PKHD1: variants seen among roughly 807,000 people sequenced by gnomAD.
PKHD1 encodes fibrocystin.
A neutral mutation model predicts 412.0 loss-of-function variants in PKHD1; 291 were observed. That is an observed-to-expected ratio of 0.71 (90% CI 0.64 to 0.78). The LOEUF (loss-of-function observed/expected upper bound fraction) is 0.78, where lower values mean the gene tolerates loss of function less well. PKHD1 is among the 30% of genes least tolerant of loss of function. The pLI is 0.00. For missense variants in PKHD1, 4,825 were observed against 4,950.7 expected (o/e 0.97, Z 0.76); for synonymous variants, 1,777 against 1,821.5 (o/e 0.98, Z 0.62).
In PKHD1 at chr6:52,024,758, G is replaced by A; in HGVS notation, c.5052C>T (p.Asp1684=). 1 of 1,614,202 alleles carries A rather than the reference G, an allele frequency of 6.2e-7. No individual in the cohort carries two copies. Among genetic ancestry groups the A allele is most frequent in the Non-Finnish European group, 8.5e-7 (1 of 1,180,020 alleles). The change falls in exon 32 of 67, where the codon GAC becomes GAT. Residue 1684 remains aspartate (D), a synonymous_variant. Transcript: ENST00000371117. The stretch of plus-strand genomic sequence containing the variant: ...CACAGGGTGACATTCCTATAAAAAT[G>A]TCAATGTTTGCAGCTCCTGAGATCT... ...VAQISGAANI[D]IFIGMSPCVG...
intron 52 of PKHD1, among the ~76,000 whole-genome samples, chr6:51,822,527 A>G (rs1184765876): frequency 6.6e-6 from 1 of 152,102 alleles, no homozygotes; most frequent in Non-Finnish European, 1.5e-5. Flanking sequence ...CCCAATCCTT[A>G]TATCTCTCTG....
intron 30 of PKHD1, 37 bp from the exon 31 acceptor site, chr6:52,027,933 CAG>C (rs781071397): frequency 4.7e-6 from 7 of 1,502,632 alleles, no homozygotes; most frequent in Non-Finnish European, 5.6e-6. Context: ...AAATAACTGA[CAG>C]AGAGAGATAA....
intron 27 of PKHD1, among the ~76,000 whole-genome samples, chr6:52,041,266 C>T (rs1057308830): frequency 3.3e-5 from 5 of 152,194 alleles, no homozygotes; most frequent in East Asian, 1.9e-4. Context: ...TCTTTAAATA[C>T]CCCAGAGCAT....
intron 15 of PKHD1, among the ~76,000 whole-genome samples, chr6:52,059,259 CTTTTT>C (rs55992586): frequency 1.2e-5 from 1 of 83,520 alleles, no homozygotes; most frequent in African/African-American, 5.2e-5. Context: ...TTTTCTTTTT[CTTTTT>C]TTTTTTTTTT....
At position 52,017,759 on chromosome 6, in the gene PKHD1, A is replaced by T. The variant is rs73433743; in HGVS notation, c.5381-130T>A. On this transcript the variant is annotated intron_variant, in intron 33 of 66. Coordinates refer to ENST00000371117, the MANE Select transcript of PKHD1 (RefSeq NM_138694.4). ...ATGAAGTTAGCAGTTTACTTTTTTT[A>T]AAATGTATTGTATATGTGTAATGTA... 2,095 of 724,542 alleles carry T rather than the reference A, an allele frequency of 2.9e-3. 32 individuals are homozygous for T. In the African/African-American group the frequency reaches 0.032, roughly 11 times the overall value. 44.9% of individuals were successfully genotyped at this position (724,542 alleles called of 1,614,324 possible). A position where few individuals can be genotyped will look rare whatever the true frequency, so the allele number is the denominator to read the frequency against.
At chr6:51,854,499 G>A (rs1185856167) in intron 49 of PKHD1, among the ~76,000 whole-genome samples, 1 of 152,198 alleles carries the variant, frequency 6.6e-6, no homozygotes, top group Non-Finnish European at 1.5e-5. Flanking sequence ...CGTCTGGGCT[G>A]CCGGGATTCC....
At chr6:51,990,878 C>T (rs1796968733) in intron 35 of PKHD1, among the ~76,000 whole-genome samples, 1 of 152,142 alleles carries the variant, frequency 6.6e-6, no homozygotes, top group Non-Finnish European at 1.5e-5. Flanking sequence ...GCCACAGGGC[C>T]TAGGGCAAGT....
At chr6:51,944,982 C>T (rs1019883147) in intron 36 of PKHD1, among the ~76,000 whole-genome samples, 1 of 152,190 alleles carries the variant, frequency 6.6e-6, no homozygotes, top group African/African-American at 2.4e-5. Context: ...GGCTCCATGC[C>T]AGAGCAGTAC....
chr6:51,747,557 A>T (rs986877459), intron 58 of PKHD1, among the ~76,000 whole-genome samples: 10 of 152,162 alleles, frequency 6.6e-5, no homozygotes, highest in South Asian at 4.1e-4. Context: ...CAAATTTTTT[A>T]AATTTTATTA....
intron 60 of PKHD1, among the ~76,000 whole-genome samples, chr6:51,710,335 G>T (rs1193171207): frequency 1.3e-5 from 2 of 152,080 alleles, no homozygotes; most frequent in Non-Finnish European, 2.9e-5. Context: ...TTCCTGCAGT[G>T]GATAAGGCTC....
Position 52,072,197 on chromosome 6 carries a change from TA to T in PKHD1, c.528-9del, listed in dbSNP as rs753686281. The stretch of plus-strand genomic sequence containing the variant: ...GCTTCCAAGATCACTGGGCTGGATT[TA>T]AAAAAAAATGAAAACAAAAGACAAG... On this transcript the variant is annotated splice_polypyrimidine_tract_variant and intron_variant, in intron 7 of 66. Transcript: ENST00000371117. 1,495 of 1,544,948 alleles carry T rather than the reference TA, an allele frequency of 9.7e-4. No individual in the cohort carries two copies. Among genetic ancestry groups the T allele is most frequent in the Non-Finnish European group, 1.2e-3 (1,324 of 1,120,382 alleles).
intron 48 of PKHD1, among the ~76,000 whole-genome samples, chr6:51,863,739 A>G (rs1225078189): frequency 6.6e-6 from 1 of 152,140 alleles, no homozygotes; most frequent in Non-Finnish European, 1.5e-5. Flanking sequence ...ATAGCATTTT[A>G]CTCCTGGGTC....
chr6:51,809,100 A>T (rs1214435488), intron 52 of PKHD1, among the ~76,000 whole-genome samples: 2 of 152,168 alleles, frequency 1.3e-5, no homozygotes, highest in Non-Finnish European at 2.9e-5. Flanking sequence ...AAATAAAGCA[A>T]ATGGAAAATT....
rs775144938 is a variant in PKHD1, at chr6:52,054,073, G to T, written c.1929C>A (p.Thr643=). The T allele has an allele frequency of 4.6e-5, 74 of 1,613,800 alleles. 1 individual carries two copies. The highest frequency in any genetic ancestry group is 3.3e-4 in the Middle Eastern group (2 of 6,082). The stretch of plus-strand genomic sequence containing the variant: ...TGGTCCTCGTGAGACTCCAGTCACA[G>T]GTGGTATTCTTTACCATGTTTTGAA... ...IGFQNMVKNT[T]CDWSLTRTSP... Residue 643 remains threonine, a synonymous_variant, in exon 20 of 67, where the codon ACC becomes ACA. Coordinates refer to ENST00000371117, the MANE Select transcript of PKHD1 (RefSeq NM_138694.4).
At chr6:52,082,071 T>C (rs1045879383) in intron 4 of PKHD1, among the ~76,000 whole-genome samples, 1 of 152,138 alleles carries the variant, frequency 6.6e-6, no homozygotes, top group Non-Finnish European at 1.5e-5. Context: ...TTCCAAAAGA[T>C]GAGTATTTGC....
chr6:51,841,016 A>G (rs1335135336), intron 50 of PKHD1, among the ~76,000 whole-genome samples: 1 of 152,058 alleles, frequency 6.6e-6, no homozygotes, highest in African/African-American at 2.4e-5. Context: ...AATTGATTTA[A>G]GAAAAATATT....
At chr6:51,855,692 G>C (rs1773174889) in intron 49 of PKHD1, among the ~76,000 whole-genome samples, 1 of 152,162 alleles carries the variant, frequency 6.6e-6, no homozygotes. Context: ...AAATTTTCAA[G>C]TTTAAAAAGC....
At position 51,791,225 on chromosome 6, in the gene PKHD1, C is replaced by T; in HGVS notation, c.8440+11G>A. ...TCTCAACATGCTCGCAATCCTTGTGCCTTTACTCACCAACTTTCAGCTCCC... is the reference window on the plus strand; with the variant it reads ...TCTCAACATGCTCGCAATCCTTGTGTCTTTACTCACCAACTTTCAGCTCCC... On this transcript the variant is annotated intron_variant, in intron 53 of 66. Transcript: ENST00000371117. 6.2e-7 allele frequency: 1 copy of T among 1,613,168 alleles called. No homozygotes were observed. The highest frequency in any genetic ancestry group is 8.5e-7 in the Non-Finnish European group (1 of 1,179,200).
chr6:52,065,412 G>A (rs539459858), intron 12 of PKHD1, among the ~76,000 whole-genome samples: 52 of 152,112 alleles, frequency 3.4e-4, no homozygotes, highest in Admixed American at 8.5e-4. Context: ...CATTGGGGAC[G>A]TACTGAACCA....
Sources: gnomAD v4.1 joint callset for allele counts (sites outside exome capture counted in the v4.1 genomes callset) on GRCh38, gnomAD v4.1.1 for gene constraint, MANE v1.5 for transcripts, NCBI Gene and HGNC (gene_info 2026-07-23, HGNC 2026-07-21) for gene names.